Variants in ADAMTSL1 observed in about 807,000 individuals in gnomAD.
The protein encoded by ADAMTSL1 is ADAMTS like 1.
ADAMTSL1 carries 126 observed loss-of-function variants against 201.8 expected under a neutral mutation model. The observed-to-expected ratio is 0.62, with a 90% CI of 0.54 to 0.72. The LOEUF (loss-of-function observed/expected upper bound fraction) is 0.72, where lower values mean the gene tolerates loss of function less well. ADAMTSL1 is among the 30% of genes least tolerant of loss of function. The pLI is 0.00. For synonymous variants in ADAMTSL1, 1,121 were observed against 903.4 expected (o/e 1.24, Z -4.32); for missense variants, 2,679 against 2,277.8 (o/e 1.18, Z -3.59).
At chr9:18,115,455 G>A (rs186409819) in intron 1 of ADAMTSL1, among the ~76,000 whole-genome samples, 45 of 152,118 alleles carry the variant, frequency 3.0e-4, no homozygotes, top group Non-Finnish European at 5.4e-4. Context: ...AATATTTAAC[G>A]GCTGCCAGCA....
At chr9:18,370,052 G>C (rs1836972622) in intron 2 of ADAMTSL1, among the ~76,000 whole-genome samples, 1 of 152,170 alleles carries the variant, frequency 6.6e-6, no homozygotes, top group Non-Finnish European at 1.5e-5. Flanking sequence ...GGCCGAGGCT[G>C]GTGGATCACC....
intron 4 of ADAMTSL1, among the ~76,000 whole-genome samples, chr9:18,601,514 A>G (rs925583439): frequency 1.2e-4 from 19 of 152,298 alleles, no homozygotes; most frequent in East Asian, 7.7e-4. Flanking sequence ...AAGTGTCTCT[A>G]TTACTGAATT....
intron 2 of ADAMTSL1, among the ~76,000 whole-genome samples, chr9:18,520,753 G>A (rs186098878): frequency 1.3e-4 from 20 of 152,188 alleles, no homozygotes; most frequent in Admixed American, 1.2e-3. Context: ...ACAACAGAAA[G>A]CATTTTCAAA....
At chr9:18,821,512 C>T (rs1266675619) in intron 21 of ADAMTSL1, among the ~76,000 whole-genome samples, 1 of 152,138 alleles carries the variant, frequency 6.6e-6, no homozygotes, top group Non-Finnish European at 1.5e-5. Context: ...GTCACATGGC[C>T]ACGCACAACT....
In ADAMTSL1 at chr9:18,451,727, T is replaced by G. The variant is rs192410361; in HGVS notation, c.208-53102T>G. ...AGGATGGAGACTGTCTTAGTCCATT[T>G]TGTGTTACTATAACAGAATACTACA... On this transcript the variant is annotated intron_variant, in intron 2 of 29. Coordinates refer to the ADAMTSL1 transcript ENST00000680146. Among the ~76,000 whole-genome samples, 15 of 152,360 alleles carry G rather than the reference T, an allele frequency of 9.8e-5. No homozygotes were observed. The East Asian group carries it at 2.9e-3, about 29-fold the overall frequency.
intron 23 of ADAMTSL1, among the ~76,000 whole-genome samples, chr9:18,873,328 T>A (rs1340987582): frequency 6.6e-6 from 1 of 152,226 alleles, no homozygotes; most frequent in Non-Finnish European, 1.5e-5. Context: ...TTATTTTTGT[T>A]TTTATTGCGT....
chr9:17,915,867 A>G (rs2131279306), intron 1 of ADAMTSL1, among the ~76,000 whole-genome samples: 1 of 152,326 alleles, frequency 6.6e-6, no homozygotes, highest in East Asian at 1.9e-4. Context: ...TCAAATATTT[A>G]GCCCATTATA....
At chr9:18,630,180 T>C (rs1159094580) in intron 5 of ADAMTSL1, among the ~76,000 whole-genome samples, 2 of 152,158 alleles carry the variant, frequency 1.3e-5, no homozygotes, top group Non-Finnish European at 2.9e-5. Context: ...ACCAAAGCCA[T>C]GTTTGGTCTA....
chr9:18,450,379 A>T (rs184936268), intron 2 of ADAMTSL1, among the ~76,000 whole-genome samples: 2 of 152,166 alleles, frequency 1.3e-5, no homozygotes, highest in East Asian at 1.9e-4. Flanking sequence ...TGATGTTTTT[A>T]AAAAAACACA....
intron 2 of ADAMTSL1, among the ~76,000 whole-genome samples, chr9:18,329,871 T>C (rs1834962980): frequency 6.6e-6 from 1 of 152,242 alleles, no homozygotes; most frequent in South Asian, 2.1e-4. Flanking sequence ...GCATATGCAG[T>C]GGCTAGCAGA....
intron 2 of ADAMTSL1, among the ~76,000 whole-genome samples, chr9:18,325,205 A>G (rs2132874561): frequency 6.6e-6 from 1 of 152,320 alleles, no homozygotes; most frequent in Middle Eastern, 3.4e-3. Flanking sequence ...TCAAACATAC[A>G]CCTACCCTAT....
intron 1 of ADAMTSL1, among the ~76,000 whole-genome samples, chr9:17,923,539 T>A (rs1320668751): frequency 6.6e-6 from 1 of 151,548 alleles, no homozygotes; most frequent in East Asian, 1.9e-4. Flanking sequence ...GACAATGGGG[T>A]TTTCTAGATA....
chr9:18,655,497 T>C (rs62549396), intron 7 of ADAMTSL1, among the ~76,000 whole-genome samples: 63 of 152,284 alleles, frequency 4.1e-4, no homozygotes, highest in Middle Eastern at 6.8e-3. Flanking sequence ...AAACTGAAGC[T>C]TTCTAGAACA....
chr9:18,649,893 G>T (rs1453637485), intron 7 of ADAMTSL1, among the ~76,000 whole-genome samples: 1 of 152,174 alleles, frequency 6.6e-6, no homozygotes, highest in Non-Finnish European at 1.5e-5. Flanking sequence ...CCAGCTGCGT[G>T]CTGGGAGAAC....
chr9:18,017,596 C>T (rs955864176), intron 1 of ADAMTSL1, among the ~76,000 whole-genome samples: 14 of 151,878 alleles, frequency 9.2e-5, no homozygotes, highest in South Asian at 2.1e-4. Flanking sequence ...ATACGGTCTG[C>T]GAGCATTTTT....
chr9:18,260,004 A>T (rs1002113464), intron 2 of ADAMTSL1, among the ~76,000 whole-genome samples: 3 of 152,174 alleles, frequency 2.0e-5, no homozygotes, highest in Non-Finnish European at 4.4e-5. Flanking sequence ...AAGACTTGGA[A>T]ATTAGTTTTT....
intron 13 of ADAMTSL1, among the ~76,000 whole-genome samples, chr9:18,705,296 G>T (rs1332195489): frequency 2.0e-5 from 3 of 152,016 alleles, no homozygotes; most frequent in Non-Finnish European, 2.9e-5. Context: ...ATAGGATCAT[G>T]GAAAAATGAA....
intron 1 of ADAMTSL1, among the ~76,000 whole-genome samples, chr9:18,071,540 A>AATT (rs1822968391): frequency 6.6e-6 from 1 of 152,240 alleles, no homozygotes; most frequent in Non-Finnish European, 1.5e-5. Flanking sequence ...CTAGACTATA[A>AATT]CAATGCTAGG....
chr9:17,924,387 G>A (rs13284182), intron 1 of ADAMTSL1, among the ~76,000 whole-genome samples: 3 of 151,778 alleles, frequency 2.0e-5, no homozygotes, highest in South Asian at 2.1e-4. Flanking sequence ...TATCCATTTC[G>A]TCTAGATTTT....
Sources: allele counts gnomAD v4.1 joint callset (sites outside exome capture counted in the v4.1 genomes callset), GRCh38; gene constraint gnomAD v4.1.1; transcripts MANE v1.5; gene names NCBI Gene and HGNC (gene_info 2026-07-23, HGNC 2026-07-21).